Variants in ANKRD26 observed in about 807,000 individuals in gnomAD.
The protein encoded by ANKRD26 is ankyrin repeat domain 26, also known as ankyrin repeat domain-containing protein 26.
Under a neutral mutation model 208.7 loss-of-function variants are expected in ANKRD26, and 141 were observed. The ratio of observed to expected loss-of-function variants is 0.68; its 90% CI spans 0.59 to 0.78. The LOEUF (loss-of-function observed/expected upper bound fraction) is 0.78, where lower values mean the gene tolerates loss of function less well. Ranked by LOEUF, ANKRD26 falls within the 30% of genes least tolerant of loss-of-function variation. The probability of loss-of-function intolerance (pLI) is 0.00; values close to 1 mark genes in which losing one functional copy is unlikely to be tolerated. For missense variants in ANKRD26, 1,889 were observed against 1,938.7 expected (o/e 0.97, Z 0.48); for synonymous variants, 636 against 660.4 (o/e 0.96, Z 0.57).
chr10:27,043,389 T>C, intron 20 of ANKRD26, 37 bp downstream of exon 20: 1 of 1,602,140 alleles, frequency 6.2e-7, no homozygotes, highest in Non-Finnish European at 8.6e-7. Context: ...TACAATGGGA[T>C]ACATAAAAAG....
Position 27,046,415 on chromosome 10 carries a change from A to G in ANKRD26, c.1923T>C (p.Thr641=), listed in dbSNP as rs772174723. 3 of 1,614,168 alleles carry G rather than the reference A, an allele frequency of 1.9e-6. No homozygotes were observed. The highest frequency in any genetic ancestry group is 1.1e-5 in the South Asian group (1 of 91,086). Residue 641 remains threonine (T), a synonymous_variant, in exon 18 of 34, where the codon ACT becomes ACC. Coordinates refer to ENST00000376087, the MANE Select transcript of ANKRD26 (RefSeq NM_014915.3). ...CATCATCCACTTGTAGCAGGCCACCAGTTAGTAAACTGGCCTTCCCAAACA... is the reference window on the plus strand; with the variant it reads ...CATCATCCACTTGTAGCAGGCCACCGGTTAGTAAACTGGCCTTCCCAAACA... ...SPVFGKASLL[T]GGLLQVDDDS...
At chr10:26,974,449 T>C (rs144206955) in exon 6 of ANKRD26, among the ~76,000 whole-genome samples, 2,775 of 151,734 alleles carry the variant, frequency 0.018, 160 homozygotes, top group East Asian at 0.17. Context: ...CACACCATTC[T>C]CCTGCCTCAG....
the ANKRD26 span, among the ~76,000 whole-genome samples, chr10:26,967,845 A>G: frequency 6.6e-6 from 1 of 152,074 alleles, no homozygotes; most frequent in African/African-American, 2.4e-5. Flanking sequence ...GGGCCTTTAT[A>G]AATTTCTCTT....
At chr10:27,006,195 T>C (rs886789323) in intron 33 of ANKRD26, among the ~76,000 whole-genome samples, 3 of 152,174 alleles carry the variant, frequency 2.0e-5, no homozygotes, top group African/African-American at 4.8e-5. Context: ...TGTAGACTGA[T>C]ACCTGAAGTA....
At chr10:26,983,633 G>C (rs2052341329) in intron 3 of ANKRD26, among the ~76,000 whole-genome samples, 2 of 152,122 alleles carry the variant, frequency 1.3e-5, no homozygotes, top group Admixed American at 6.6e-5. Flanking sequence ...GGGTAAGACA[G>C]ATCAACCCAT....
intron 3 of ANKRD26, among the ~76,000 whole-genome samples, chr10:26,983,198 C>T (rs1182679118): frequency 6.6e-6 from 1 of 152,104 alleles, no homozygotes; most frequent in African/African-American, 2.4e-5. Flanking sequence ...CCTCTATATG[C>T]CATAGAACAT....
chr10:27,029,205 T>C, intron 26 of ANKRD26, 81 bp downstream of exon 26: 1 of 1,451,896 alleles, frequency 6.9e-7, no homozygotes, highest in Non-Finnish European at 9.5e-7. Context: ...CTTATGATCA[T>C]AGCTGATATA....
Position 27,039,949 on chromosome 10 carries a change from A to T in ANKRD26, c.2375+16T>A. The T allele has an allele frequency of 6.2e-7, 1 of 1,605,530 alleles. No homozygotes were observed. Among genetic ancestry groups the T allele is most frequent in the Non-Finnish European group, 8.5e-7 (1 of 1,172,942 alleles). Reference sequence around the variant, plus strand: ...TACAAATAGTTAAACATTTCTTTAAAACTAGGCTATCATACCTCAAAGAGC... The same window carrying T: ...TACAAATAGTTAAACATTTCTTTAATACTAGGCTATCATACCTCAAAGAGC... On this transcript the variant is annotated intron_variant, in intron 21 of 33. Coordinates refer to ENST00000376087, the MANE Select transcript of ANKRD26 (RefSeq NM_014915.3).
chr10:27,049,891 T>C (rs1245106817), intron 16 of ANKRD26, among the ~76,000 whole-genome samples: 3 of 152,078 alleles, frequency 2.0e-5, no homozygotes, highest in South Asian at 4.1e-4. Flanking sequence ...TTTAATGCCA[T>C]AGCAGGGTGT....
At chr10:27,030,493 G>A in intron 25 of ANKRD26, 3 of 985,414 alleles carry the variant, frequency 3.0e-6, no homozygotes, top group Non-Finnish European at 3.6e-6. Flanking sequence ...AGCTGCTTTA[G>A]CGAGCACTCT....
chr10:27,030,027 G>A (rs1379156471), intron 25 of ANKRD26, among the ~76,000 whole-genome samples: 1 of 152,180 alleles, frequency 6.6e-6, no homozygotes, highest in Non-Finnish European at 1.5e-5. Flanking sequence ...TTCAGTCAAG[G>A]AATATATACA....
chr10:27,051,117 C>G (rs184107678), intron 16 of ANKRD26: 10 of 1,289,384 alleles, frequency 7.8e-6, no homozygotes, highest in African/African-American at 1.5e-5. Flanking sequence ...TTTTAACATG[C>G]CTATCTCATT....
At chr10:26,953,765 G>A in the ANKRD26 span, among the ~76,000 whole-genome samples, 2 of 152,204 alleles carry the variant, frequency 1.3e-5, no homozygotes, top group Admixed American at 1.3e-4. Context: ...TTTAGTCTAT[G>A]ACTTATTAGC....
rs1233437626 is a variant in ANKRD26, at chr10:27,051,989, T to C, written c.1635+1331A>G. 4 of 985,268 alleles carry C rather than the reference T, an allele frequency of 4.1e-6. No individual in the cohort carries two copies. The East Asian group carries it at 4.5e-4, about 112-fold the overall frequency. 61.0% of individuals were successfully genotyped at this position (985,268 alleles called of 1,614,324 possible). ...CTTCATCATTTTGCACACAAGGAAG[T>C]CCTGAATATACAGATACATCCTCTC... On this transcript the variant is annotated intron_variant, in intron 16 of 33. Coordinates refer to ENST00000376087, the MANE Select transcript of ANKRD26 (RefSeq NM_014915.3).
downstream of ANKRD26, among the ~76,000 whole-genome samples, chr10:26,973,649 C>CTTTTTT (rs71386903): frequency 0.011 from 930 of 88,402 alleles, 6 homozygotes; most frequent in Middle Eastern, 0.016. Flanking sequence ...TTTATTTGTC[C>CTTTTTT]TTTTTTTTTT....
chr10:27,099,456 T>C (rs1009111147), intron 1 of ANKRD26, among the ~76,000 whole-genome samples: 1 of 151,972 alleles, frequency 6.6e-6, no homozygotes, highest in Non-Finnish European at 1.5e-5. Context: ...TTTTGAAAGA[T>C]AGGGTCTTGC....
At chr10:27,082,857 C>T in intron 5 of ANKRD26, 24 bp from the exon 6 acceptor site, 1 of 1,577,422 alleles carries the variant, frequency 6.3e-7, no homozygotes, top group East Asian at 2.3e-5. Context: ...AAGTAAAACA[C>T]ACTTTAAATC....
chr10:26,956,672 T>C, the ANKRD26 span, among the ~76,000 whole-genome samples: 66 of 152,002 alleles, frequency 4.3e-4, no homozygotes, highest in Non-Finnish European at 7.1e-4. Flanking sequence ...GGTTTGTAAA[T>C]TTGTTTTTCC....
intron 15 of ANKRD26, among the ~76,000 whole-genome samples, chr10:27,056,218 C>T (rs1281451133): frequency 6.6e-6 from 1 of 152,084 alleles, no homozygotes; most frequent in African/African-American, 2.4e-5. Context: ...TGCTCTGTCG[C>T]CCAGGTTGGA....
Sources: allele counts gnomAD v4.1 joint callset (sites outside exome capture counted in the v4.1 genomes callset), GRCh38; gene constraint gnomAD v4.1.1; transcripts MANE v1.5; gene names NCBI Gene and HGNC (gene_info 2026-07-23, HGNC 2026-07-21).